Variants in SUPT3H observed in about 807,000 individuals in gnomAD.
SUPT3H encodes SPT3 homolog, SAGA and STAGA complex component, also known as transcription initiation protein SPT3 homolog.
A neutral mutation model predicts 44.3 loss-of-function variants in SUPT3H; 44 were observed. The ratio of observed to expected loss-of-function variants is 0.99; its 90% CI spans 0.78 to 1.28. The LOEUF is 1.28. Ranked by LOEUF, SUPT3H falls within the 50% of genes most tolerant of loss-of-function variation. SUPT3H has a pLI of 0.00. For synonymous variants in SUPT3H, 124 were observed against 125.6 expected (o/e 0.99, Z 0.09); for missense variants, 380 against 387.1 (o/e 0.98, Z 0.15).
intron 2 of SUPT3H, among the ~76,000 whole-genome samples, chr6:45,192,705 G>A (rs1479212994): frequency 6.6e-6 from 1 of 152,050 alleles, no homozygotes; most frequent in Non-Finnish European, 1.5e-5. Context: ...TCAAAGCAAA[G>A]TGGTTAACTC....
At chr6:45,172,822 C>G (rs1338024581) in intron 2 of SUPT3H, among the ~76,000 whole-genome samples, 3 of 152,042 alleles carry the variant, frequency 2.0e-5, no homozygotes, top group African/African-American at 7.3e-5. Flanking sequence ...GAACTCCTGA[C>G]CTCGTGATCC....
intron 10 of SUPT3H, among the ~76,000 whole-genome samples, chr6:44,897,390 T>C (rs895326559): frequency 6.6e-6 from 1 of 152,238 alleles, no homozygotes; most frequent in Non-Finnish European, 1.5e-5. Context: ...AAAAACTCTC[T>C]GAACTATGTT....
At chr6:44,891,627 T>C (rs540566279) in intron 10 of SUPT3H, among the ~76,000 whole-genome samples, 93 of 152,198 alleles carry the variant, frequency 6.1e-4, no homozygotes, top group Non-Finnish European at 1.1e-3. Context: ...TATTGCTTAA[T>C]GGGTACAGAG....
intron 10 of SUPT3H, among the ~76,000 whole-genome samples, chr6:44,887,469 CA>C (rs965749844): frequency 6.6e-6 from 1 of 152,178 alleles, no homozygotes; most frequent in Non-Finnish European, 1.5e-5. Flanking sequence ...GAAACTCACT[CA>C]AAAGTGCTCA....
At chr6:45,280,275 G>A (rs1444552114) in intron 2 of SUPT3H, among the ~76,000 whole-genome samples, 3 of 152,106 alleles carry the variant, frequency 2.0e-5, no homozygotes, top group African/African-American at 7.2e-5. Flanking sequence ...GCTGAGGTGG[G>A]TGTATCACTT....
rs1049337826 is a variant in SUPT3H, at chr6:45,317,909, C to T, written c.101+47292G>A. ...TCAACAGAGTAAAGAAACAAGCATA[C>T]AGAATGAGAAAATATATTTGCAAAC... is the stretch of plus-strand genomic sequence containing the variant. On this transcript the variant is annotated intron_variant, in intron 2 of 10. Transcript: ENST00000371459. 1.7e-4 allele frequency among the ~76,000 whole-genome samples: 26 copies of T among 152,170 alleles called. No individual in the cohort carries two copies. In the South Asian group the frequency reaches 2.7e-3, roughly 16 times the overall value.
chr6:45,370,270 T>C (rs1223623926), intron 1 of SUPT3H, among the ~76,000 whole-genome samples: 2 of 152,094 alleles, frequency 1.3e-5, no homozygotes, highest in Admixed American at 1.3e-4. Context: ...GCAGAACTGA[T>C]TTGCTGATGG....
At chr6:44,962,849 C>T (rs1309485007) in intron 6 of SUPT3H, among the ~76,000 whole-genome samples, 1 of 151,878 alleles carries the variant, frequency 6.6e-6, no homozygotes, top group Non-Finnish European at 1.5e-5. Context: ...TACCGTGGTT[C>T]CTTCTAAGAC....
intron 7 of SUPT3H, among the ~76,000 whole-genome samples, chr6:44,959,272 T>C (rs1019583570): frequency 3.3e-5 from 5 of 151,970 alleles, no homozygotes; most frequent in African/African-American, 4.8e-5. Context: ...AAAGAGAATA[T>C]AGGACTTACA....
intron 10 of SUPT3H, among the ~76,000 whole-genome samples, chr6:44,851,575 T>A (rs182483916): frequency 6.6e-6 from 1 of 152,294 alleles, no homozygotes; most frequent in East Asian, 1.9e-4. Context: ...TTATCCTAGG[T>A]CTCCTTGGAG....
chr6:45,161,221 C>G (rs1054391054), intron 2 of SUPT3H, among the ~76,000 whole-genome samples: 1 of 152,072 alleles, frequency 6.6e-6, no homozygotes, highest in African/African-American at 2.4e-5. Flanking sequence ...ATTACCCAGT[C>G]TCAGGTATTT....
intron 2 of SUPT3H, among the ~76,000 whole-genome samples, chr6:45,314,373 T>C (rs961677781): frequency 3.3e-5 from 5 of 152,138 alleles, no homozygotes; most frequent in African/African-American, 1.2e-4. Flanking sequence ...GCTGACAATA[T>C]GATTGTTTAC....
At chr6:44,822,463 T>A (rs13200385), downstream of SUPT3H, among the ~76,000 whole-genome samples, 10,899 of 152,292 alleles carry the variant, frequency 0.072, 775 homozygotes, top group African/African-American at 0.17. Context: ...AGATGGACTA[T>A]ATACAAAAAT....
chr6:45,020,738 G>A, intron 3 of SUPT3H, 106 bp from the exon 4 acceptor site: 5 of 680,632 alleles, frequency 7.3e-6, no homozygotes, highest in Non-Finnish European at 7.1e-6. Context: ...AAAAACCTTT[G>A]GGAAATAATC....
intron 10 of SUPT3H, among the ~76,000 whole-genome samples, chr6:44,902,935 G>C (rs1765341286): frequency 6.6e-6 from 1 of 152,060 alleles, no homozygotes; most frequent in South Asian, 2.1e-4. Context: ...TGACTACTGG[G>C]TACATCATGA....
At chr6:45,037,029 C>A (rs1162799170) in intron 3 of SUPT3H, among the ~76,000 whole-genome samples, 1 of 151,952 alleles carries the variant, frequency 6.6e-6, no homozygotes, top group African/African-American at 2.4e-5. Flanking sequence ...TTTATATTGA[C>A]AAGAGAGTCG....
At chr6:45,317,227 C>CAAAAAAAAAAAA (rs70996324) in intron 2 of SUPT3H, among the ~76,000 whole-genome samples, 3 of 36,092 alleles carry the variant, frequency 8.3e-5, no homozygotes, top group East Asian at 9.0e-4. Flanking sequence ...GACTCTGTCT[C>CAAAAAAAAAAAA]AAAAAAAAAA....
At chr6:44,853,057 AGAGAAATAAGCTTTTGTTT>A (rs1773148895) in intron 10 of SUPT3H, among the ~76,000 whole-genome samples, 1 of 152,248 alleles carries the variant, frequency 6.6e-6, no homozygotes, top group South Asian at 2.1e-4. Flanking sequence ...TAGAGATTAA[AGAGAAATAAGCTTTTGTTT>A]TTTAATTATA....
intron 4 of SUPT3H, among the ~76,000 whole-genome samples, chr6:45,019,295 C>G (rs1434498667): frequency 4.6e-5 from 7 of 152,030 alleles, no homozygotes; most frequent in Non-Finnish European, 7.4e-5. Flanking sequence ...TTTCAAAAAA[C>G]CAGCTCCTGG....
Sources: gnomAD v4.1 joint callset for allele counts (sites outside exome capture counted in the v4.1 genomes callset) on GRCh38, gnomAD v4.1.1 for gene constraint, MANE v1.5 for transcripts, NCBI Gene and HGNC (gene_info 2026-07-23, HGNC 2026-07-21) for gene names.